The following KLF8 variants were observed in gnomAD, a reference collection of about 807,000 sequenced individuals.
The protein encoded by KLF8 is Krueppel-like factor 8.
A neutral mutation model predicts 18.2 loss-of-function variants in KLF8; 10 were observed. That is an observed-to-expected ratio of 0.55 (90% CI 0.34 to 0.93). The LOEUF is 0.93. Among genes scored for constraint, KLF8 ranks in the 40% least tolerant of loss-of-function variants. The pLI, the probability that KLF8 is intolerant of heterozygous loss-of-function variation, is 0.02. For missense variants in KLF8, 264 were observed against 277.9 expected, an observed-to-expected ratio of 0.95 and a Z score of 0.36; for synonymous variants, 109 against 97.3, an observed-to-expected ratio of 1.12 and a Z score of -0.71.
chrX:56,132,438 A>G, the KLF8 span, among the ~76,000 whole-genome samples: 2 of 111,578 alleles, frequency 1.8e-5, no homozygotes, highest in Non-Finnish European at 3.8e-5. Flanking sequence ...TTTGAATTGA[A>G]TGATAATATT....
At chrX:55,938,590 A>C in the KLF8 span, among the ~76,000 whole-genome samples, 1 of 111,408 alleles carries the variant, frequency 9.0e-6, no homozygotes, top group Non-Finnish European at 1.9e-5. Context: ...AAATTGGATA[A>C]AGAGTCAAGA....
the KLF8 span, among the ~76,000 whole-genome samples, chrX:56,185,414 T>C: frequency 2.7e-5 from 3 of 112,059 alleles, no homozygotes; most frequent in Non-Finnish European, 5.6e-5. Flanking sequence ...TACCTGAAAG[T>C]GACGGGGAGA....
chrX:56,206,794 G>A, the KLF8 span, among the ~76,000 whole-genome samples: 234 of 112,749 alleles, frequency 2.1e-3, no homozygotes, highest in Non-Finnish European at 3.6e-3. Flanking sequence ...CTCCAGATGG[G>A]ACTCTGTGTG....
chrX:56,092,720 CT>C, the KLF8 span, among the ~76,000 whole-genome samples: 378 of 104,136 alleles, frequency 3.6e-3, no homozygotes, highest in African/African-American at 0.011. Context: ...ATGCCTCCAG[CT>C]TTTTTTTTTT....
At chrX:56,211,139 C>T in the KLF8 span, among the ~76,000 whole-genome samples, 4 of 111,701 alleles carry the variant, frequency 3.6e-5, no homozygotes, top group African/African-American at 9.7e-5. Flanking sequence ...TTATTGTAGT[C>T]TCCACTGTCT....
chrX:56,212,175 G>T, the KLF8 span, among the ~76,000 whole-genome samples: 1 of 111,481 alleles, frequency 9.0e-6, no homozygotes, highest in Non-Finnish European at 1.9e-5. Flanking sequence ...CTGTGGCTAA[G>T]CTGGTACCCT....
the KLF8 span, among the ~76,000 whole-genome samples, chrX:55,996,974 G>A: frequency 8.9e-6 from 1 of 112,184 alleles, no homozygotes; most frequent in East Asian, 2.8e-4. Flanking sequence ...CTGGGATGGT[G>A]AGGTCTGTGT....
chrX:55,947,436 A>G, the KLF8 span, among the ~76,000 whole-genome samples: 3 of 99,430 alleles, frequency 3.0e-5, no homozygotes, highest in Non-Finnish European at 4.0e-5. Flanking sequence ...GAATTGAACA[A>G]TGAGAACACA....
chrX:56,056,109 G>A, the KLF8 span, among the ~76,000 whole-genome samples: 1 of 111,758 alleles, frequency 8.9e-6, no homozygotes, highest in East Asian at 2.8e-4. Context: ...TGGAGAGGTG[G>A]TGCAGTCATT....
the KLF8 span, among the ~76,000 whole-genome samples, chrX:56,149,636 A>G: frequency 6.3e-5 from 7 of 111,918 alleles, no homozygotes; most frequent in Non-Finnish European, 1.3e-4. Flanking sequence ...CAAAATAAAA[A>G]AGAAGAGTGT....
chrX:55,995,391 T>A, the KLF8 span, among the ~76,000 whole-genome samples: 13 of 112,126 alleles, frequency 1.2e-4, no homozygotes, highest in Non-Finnish European at 2.1e-4. Context: ...ACATTCAAAG[T>A]TAGTGTTGAA....
chrX:56,080,572 GC>G, the KLF8 span, among the ~76,000 whole-genome samples: 2 of 111,228 alleles, frequency 1.8e-5, no homozygotes, highest in Admixed American at 9.5e-5. Flanking sequence ...CTCTCTGGCT[GC>G]CCTTAACATT....
At chrX:55,961,430 T>C in the KLF8 span, 1 of 533,163 alleles carries the variant, frequency 1.9e-6, no homozygotes, top group African/African-American at 2.3e-5. Context: ...AAGCCTTACA[T>C]GCTGCTTAAT....
chrX:55,990,573 G>A, the KLF8 span, among the ~76,000 whole-genome samples: 5 of 111,969 alleles, frequency 4.5e-5, no homozygotes, highest in East Asian at 2.8e-4. Context: ...GAGGAGAGGC[G>A]CTCTGATTTT....
chrX:55,969,594 A>T, the KLF8 span, among the ~76,000 whole-genome samples: 1 of 111,608 alleles, frequency 9.0e-6, no homozygotes, highest in African/African-American at 3.2e-5. Context: ...GATAACAAAG[A>T]GCGGAAATAC....
chrX:56,029,766 G>A, the KLF8 span, among the ~76,000 whole-genome samples: 5 of 111,714 alleles, frequency 4.5e-5, no homozygotes, highest in East Asian at 8.4e-4. Context: ...CGCTGCAGAC[G>A]TGAGCGATTG....
At chrX:56,182,656 T>A in the KLF8 span, among the ~76,000 whole-genome samples, 1 of 112,534 alleles carries the variant, frequency 8.9e-6, no homozygotes, top group South Asian at 3.7e-4. Context: ...TTGGTGTGGG[T>A]GTCCTTTTTG....
chrX:56,105,849 C>T, the KLF8 span, among the ~76,000 whole-genome samples: 1 of 111,606 alleles, frequency 9.0e-6, no homozygotes, highest in Non-Finnish European at 1.9e-5. Context: ...TTTGCAGTGG[C>T]TGGTATCTGT....
chrX:56,164,693 A>G, the KLF8 span, among the ~76,000 whole-genome samples: 957 of 95,773 alleles, frequency 1.0e-2, 13 homozygotes, highest in African/African-American at 0.036. Context: ...CTGTCTGCTC[A>G]GTATATTTCT....
Sources: gnomAD v4.1 joint callset for allele counts (sites outside exome capture counted in the v4.1 genomes callset) on GRCh38, gnomAD v4.1.1 for gene constraint, MANE v1.5 for transcripts, NCBI Gene and HGNC (gene_info 2026-07-23, HGNC 2026-07-21) for gene names.